DRICH1: variants seen among roughly 807,000 people sequenced by gnomAD.
The protein encoded by DRICH1 is aspartate-rich protein 1.
Under a neutral mutation model 39.5 loss-of-function variants are expected in DRICH1, and 38 were observed. That is an observed-to-expected ratio of 0.96 (90% CI 0.74 to 1.26). The LOEUF is 1.26. Among genes scored for constraint, DRICH1 ranks in the 50% most tolerant of loss-of-function variants. The pLI is 0.00. For missense variants in DRICH1, 279 were observed against 270.4 expected (o/e 1.03, Z -0.22); for synonymous variants, 84 against 99.5 (o/e 0.84, Z 0.93).
intron 3 of DRICH1, chr22:23,624,353 C>A (rs77250587): frequency 7.1e-6 from 7 of 984,592 alleles, no homozygotes; most frequent in African/African-American, 5.2e-5. Flanking sequence ...AAGAAATGAT[C>A]AAAAACACAG....
chr22:23,596,976 T>C, the DRICH1 span, among the ~76,000 whole-genome samples: 1 of 151,338 alleles, frequency 6.6e-6, no homozygotes, highest in African/African-American at 2.4e-5. Context: ...GCTGTCTGTT[T>C]CTCTCTTCAA....
the DRICH1 span, among the ~76,000 whole-genome samples, chr22:23,582,770 A>G: frequency 3.9e-5 from 6 of 151,958 alleles, no homozygotes; most frequent in Admixed American, 6.6e-5. Flanking sequence ...CATGTTGATC[A>G]GGCTGGTCCC....
intron 6 of DRICH1, 147 bp downstream of exon 6, chr22:23,619,217 T>C (rs1288262755): frequency 1.7e-6 from 1 of 589,234 alleles, no homozygotes; most frequent in Non-Finnish European, 3.1e-6. Context: ...TTTATATTAG[T>C]CATGTTAAAT....
In DRICH1 at chr22:23,613,678, A is replaced by G; in HGVS notation, c.622-18T>C. On this transcript the variant is annotated intron_variant, in intron 9 of 11. Transcript: ENST00000317749. Reference sequence around the variant, plus strand: ...GCTGTTATCTGCAATTATATAAAAGAAAACATTATGAAAATCAGATTCTGC... The same window carrying G: ...GCTGTTATCTGCAATTATATAAAAGGAAACATTATGAAAATCAGATTCTGC... 2 of 1,577,660 alleles carry G rather than the reference A, an allele frequency of 1.3e-6. No homozygotes were observed. The highest frequency in any genetic ancestry group is 2.2e-5 in the East Asian group (1 of 44,706).
At chr22:23,599,285 G>A in the DRICH1 span, among the ~76,000 whole-genome samples, 4 of 152,192 alleles carry the variant, frequency 2.6e-5, no homozygotes, top group Admixed American at 1.3e-4. Flanking sequence ...CCCAGTGTGC[G>A]TGTTCACAGA....
intron 11 of DRICH1, among the ~76,000 whole-genome samples, chr22:23,609,067 G>A (rs1215515607): frequency 1.3e-5 from 2 of 152,170 alleles, no homozygotes; most frequent in Non-Finnish European, 2.9e-5. Context: ...AGAAACTGCT[G>A]TCGGGAGAGG....
rs1348336820 is a variant in DRICH1, at chr22:23,632,007, G to T, written c.17C>A (p.Thr6Asn). 2 of 1,613,318 alleles carry T rather than the reference G, an allele frequency of 1.2e-6. No homozygotes were observed. The highest frequency in any genetic ancestry group is 1.7e-6 in the Non-Finnish European group (2 of 1,179,992). Residue 6 changes from threonine to asparagine, a missense_variant, in exon 1 of 12, where the codon ACC becomes AAC. Coordinates refer to ENST00000317749, the MANE Select transcript of DRICH1 (RefSeq NM_016449.4). ...GCCACAGTGGGAGTTGATACAACAG[G>T]TCAGTATATTCCCCATGGGGCCTCT... MGNILTCCINSHCGWP... is the reference protein window; with the variant it reads MGNILNCCINSHCGWP...
the DRICH1 span, among the ~76,000 whole-genome samples, chr22:23,597,797 G>A: frequency 2.4e-3 from 369 of 152,140 alleles, no homozygotes; most frequent in African/African-American, 8.5e-3. Flanking sequence ...CTGGTGGGGG[G>A]CTGGGGCTGG....
chr22:23,625,866 T>C, intron 2 of DRICH1, 115 bp downstream of exon 2: 1 of 797,062 alleles, frequency 1.3e-6, no homozygotes, highest in South Asian at 1.6e-5. Flanking sequence ...ATTAAAAGTC[T>C]TACTTTTGCT....
the DRICH1 span, among the ~76,000 whole-genome samples, chr22:23,592,837 C>CACACACACAA: frequency 6.5e-4 from 15 of 22,954 alleles, no homozygotes; most frequent in Admixed American, 1.2e-3. Flanking sequence ...ATTAAAAATA[C>CACACACACAA]ACACACACAC....
the DRICH1 span, among the ~76,000 whole-genome samples, chr22:23,601,283 C>A: frequency 1.3e-5 from 2 of 152,042 alleles, no homozygotes; most frequent in East Asian, 3.9e-4. Context: ...ACTATTGATC[C>A]ATAAGGCAAC....
rs369513827 is a variant in DRICH1, at chr22:23,616,861, G to C, written c.533C>G (p.Pro178Arg). Residue 178 changes from proline (P) to arginine (R), a missense_variant, in exon 8 of 12, where the codon CCT (proline) becomes CGT (arginine). Physicochemically the swap from Pro to Arg is moderately radical, Grantham distance 103. Transcript: ENST00000317749. ...TAGTTCAAGGTACATACCCTGGACA[G>C]GTGACGGTAAAATCTGCAATGAGAT... ...DDDDAQILPSPVQACSEDSLF... is the reference protein window; with the variant it reads ...DDDDAQILPSRVQACSEDSLF... The C allele has an allele frequency of 4.0e-5, 64 of 1,614,104 alleles. No homozygotes were observed. The African/African-American group carries it at 6.1e-4, about 15-fold the overall frequency.
At chr22:23,600,885 G>T in the DRICH1 span, among the ~76,000 whole-genome samples, 5 of 151,988 alleles carry the variant, frequency 3.3e-5, no homozygotes, top group South Asian at 4.1e-4. Context: ...TGTTAGCCAG[G>T]ATGGTCTTGA....
chr22:23,613,276 C>G lies in DRICH1; in HGVS notation c.685+13G>C, dbSNP rs368623485. ...TTTTCCCATTGGGTTTTTGCTGGCA[C>G]GTAGTTCCCTACCTGGATGAATCTC... On this transcript the variant is annotated intron_variant, in intron 11 of 11. Transcript: ENST00000317749. 6.2e-7 allele frequency: 1 copy of G among 1,610,206 alleles called. No individual in the cohort carries two copies. The highest frequency in any genetic ancestry group is 1.1e-5 in the South Asian group (1 of 90,950).
Position 23,619,171 on chromosome 22 carries a change from C to CAAAAAA in DRICH1, c.436+187_436+192dup, listed in dbSNP as rs5844565. On this transcript the variant is annotated intron_variant, in intron 6 of 11. Transcript: ENST00000317749. ...TGGTGACAAGAGTGAGACTCCGTCTCAAAAAAAAAAAAAAAAAAGAAAAAG... is the reference window on the plus strand; with the variant it reads ...TGGTGACAAGAGTGAGACTCCGTCTCAAAAAAAAAAAAAAAAAAAAAAAAGAAAAAG... Among the ~76,000 whole-genome samples, 11 of 84,636 alleles carry CAAAAAA rather than the reference C, an allele frequency of 1.3e-4. 1 individual carries two copies. The highest frequency in any genetic ancestry group is 4.0e-4 in the South Asian group (1 of 2,486). The allele number at this position is 84,636 out of a possible 152,430, so 55.5% of individuals were successfully genotyped here.
At chr22:23,595,022 A>G in the DRICH1 span, among the ~76,000 whole-genome samples, 3 of 148,968 alleles carry the variant, frequency 2.0e-5, no homozygotes, top group African/African-American at 5.0e-5. Flanking sequence ...AGAGCCCACC[A>G]TGGGTGAGAA....
In DRICH1 at chr22:23,613,269, G is replaced by C; in HGVS notation, c.685+20C>G. ...GGGAACCTTTTCCCATTGGGTTTTT[G>C]CTGGCACGTAGTTCCCTACCTGGAT... On this transcript the variant is annotated intron_variant, in intron 11 of 11. Transcript: ENST00000317749. 2 of 1,606,302 alleles carry C rather than the reference G, an allele frequency of 1.2e-6. No individual in the cohort carries two copies. The highest frequency in any genetic ancestry group is 1.7e-6 in the Non-Finnish European group (2 of 1,174,214).
At chr22:23,601,146 GCA>G in the DRICH1 span, among the ~76,000 whole-genome samples, 2,221 of 145,516 alleles carry the variant, frequency 0.015, 27 homozygotes, top group African/African-American at 0.032. Flanking sequence ...ACGCACGCGC[GCA>G]CACACACACA....
intron 2 of DRICH1, among the ~76,000 whole-genome samples, chr22:23,625,762 AT>A (rs1313473490): frequency 6.6e-6 from 1 of 152,128 alleles, no homozygotes; most frequent in Non-Finnish European, 1.5e-5. Flanking sequence ...TACTCAGCCT[AT>A]GAGGAACCAG....
Sources: allele counts gnomAD v4.1 joint callset (sites outside exome capture counted in the v4.1 genomes callset), GRCh38; gene constraint gnomAD v4.1.1; transcripts MANE v1.5; gene names NCBI Gene and HGNC (gene_info 2026-07-23, HGNC 2026-07-21).